The following PTPRD variants were observed in gnomAD, a reference collection of about 807,000 sequenced individuals.
The protein encoded by PTPRD is receptor-type tyrosine-protein phosphatase delta.
In PTPRD, 34 loss-of-function variants were observed where a neutral mutation model predicts 214.5. The observed-to-expected ratio is 0.16, with a 90% CI of 0.12 to 0.21. PTPRD has a LOEUF of 0.21. PTPRD is among the 10% of genes least tolerant of loss of function. The pLI, the probability that PTPRD is intolerant of heterozygous loss-of-function variation, is 1.00. For synonymous variants in PTPRD, 1,128 were observed against 845.7 expected (o/e 1.33, Z -5.79); for missense variants, 2,545 against 2,398.7 (o/e 1.06, Z -1.27).
chr9:8,838,042 A>C (rs2097474426), intron 11 of PTPRD, among the ~76,000 whole-genome samples: 2 of 152,184 alleles, frequency 1.3e-5, no homozygotes, highest in South Asian at 4.1e-4. Flanking sequence ...GTTCATGTCA[A>C]TGAATAAACA....
At chr9:8,454,693 T>G (rs1298414838) in intron 33 of PTPRD, 1 of 1,321,304 alleles carries the variant, frequency 7.6e-7, no homozygotes, top group Non-Finnish European at 1.1e-6. Flanking sequence ...TAAGAAATAG[T>G]GTTCACAAGC....
chr9:10,410,018 A>G (rs2098417461), intron 2 of PTPRD, among the ~76,000 whole-genome samples: 1 of 151,624 alleles, frequency 6.6e-6, no homozygotes, highest in African/African-American at 2.4e-5. Flanking sequence ...GTAATTAATA[A>G]ATATTTATTG....
intron 14 of PTPRD, among the ~76,000 whole-genome samples, chr9:8,541,992 G>A (rs541210981): frequency 1.6e-4 from 25 of 152,122 alleles, no homozygotes; most frequent in Admixed American, 5.2e-4. Context: ...TTACATGAAT[G>A]AAATCCCTTA....
chr9:8,651,181 C>T (rs184446189), intron 12 of PTPRD, among the ~76,000 whole-genome samples: 6 of 152,208 alleles, frequency 3.9e-5, no homozygotes, highest in Admixed American at 1.3e-4. Flanking sequence ...ATGAGAAAAG[C>T]GTTCTGCAGA....
At chr9:8,751,645 T>A (rs1255180851) in intron 11 of PTPRD, among the ~76,000 whole-genome samples, 1 of 152,194 alleles carries the variant, frequency 6.6e-6, no homozygotes, top group Non-Finnish European at 1.5e-5. Context: ...CCAAATTAGC[T>A]TTTCAGTCTT....
At chr9:10,014,959 T>C (rs1272916404) in intron 4 of PTPRD, among the ~76,000 whole-genome samples, 2 of 152,106 alleles carry the variant, frequency 1.3e-5, no homozygotes, top group African/African-American at 4.8e-5. Context: ...GTAATTAAAA[T>C]GTCTTCAATA....
chr9:10,107,196 A>G (rs2098642074), intron 3 of PTPRD, among the ~76,000 whole-genome samples: 1 of 152,060 alleles, frequency 6.6e-6, no homozygotes, highest in African/African-American at 2.4e-5. Context: ...GAAACGGTAA[A>G]TGAAATACCG....
chr9:10,130,387 T>C lies in PTPRD; in HGVS notation c.-544-96597A>G, dbSNP rs139995467. ...TTTTAGTACAAAGCCCACTTTGTCA[T>C]TGATCTTTCCCCATTAACCTATGTC... is the stretch of plus-strand genomic sequence containing the variant. On this transcript the variant is annotated intron_variant, in intron 3 of 45. Transcript: ENST00000381196. Among the ~76,000 whole-genome samples the C allele has an allele frequency of 2.0e-3, 302 of 152,262 alleles. 2 individuals carry two copies. The highest frequency in any genetic ancestry group is 3.2e-3 in the Non-Finnish European group (220 of 67,994).
intron 8 of PTPRD, among the ~76,000 whole-genome samples, chr9:9,425,479 G>T (rs933209072): frequency 2.1e-5 from 3 of 144,416 alleles, no homozygotes; most frequent in South Asian, 4.4e-4. Flanking sequence ...ATATATATAT[G>T]TTTGGTGCAA....
chr9:9,938,815 T>C (rs1404534125), intron 4 of PTPRD, among the ~76,000 whole-genome samples: 3 of 152,152 alleles, frequency 2.0e-5, no homozygotes, highest in African/African-American at 7.2e-5. Context: ...CCATCTATAT[T>C]TTATCTCCTA....
At chr9:9,122,729 T>C (rs2099818783) in intron 10 of PTPRD, among the ~76,000 whole-genome samples, 1 of 152,192 alleles carries the variant, frequency 6.6e-6, no homozygotes, top group African/African-American at 2.4e-5. Flanking sequence ...CTACGTTCTG[T>C]TTTACAGATA....
chr9:9,847,608 T>G (rs757367353), intron 5 of PTPRD, among the ~76,000 whole-genome samples: 3 of 152,098 alleles, frequency 2.0e-5, no homozygotes, highest in Non-Finnish European at 4.4e-5. Flanking sequence ...AAACAAACCT[T>G]ACTAGTTAGC....
At chr9:9,601,467 T>G (rs2093764815) in intron 7 of PTPRD, among the ~76,000 whole-genome samples, 1 of 152,052 alleles carries the variant, frequency 6.6e-6, no homozygotes. Flanking sequence ...AAACAATACA[T>G]GATTAGAGCC....
chr9:8,563,598 G>A (rs1463351617), intron 14 of PTPRD, among the ~76,000 whole-genome samples: 1 of 151,530 alleles, frequency 6.6e-6, no homozygotes, highest in Non-Finnish European at 1.5e-5. Context: ...CGCCACACCT[G>A]GCTAATTTTT....
chr9:10,544,846 G>A (rs1309171281), intron 2 of PTPRD, among the ~76,000 whole-genome samples: 1 of 151,952 alleles, frequency 6.6e-6, no homozygotes, highest in Non-Finnish European at 1.5e-5. Context: ...AATAATTTTG[G>A]ACATTACTAC....
intron 2 of PTPRD, among the ~76,000 whole-genome samples, chr9:10,374,824 T>C (rs2097696571): frequency 6.6e-6 from 1 of 152,058 alleles, no homozygotes. Flanking sequence ...ATATGACTAC[T>C]TGAAAACAGT....
chr9:10,107,100 G>C (rs1365364005), intron 3 of PTPRD, among the ~76,000 whole-genome samples: 3 of 151,690 alleles, frequency 2.0e-5, no homozygotes, highest in Non-Finnish European at 1.5e-5. Context: ...AGGGGAATAT[G>C]TGGGTTTCAT....
rs191573184 is a variant in PTPRD at position 8,907,774 on chromosome 9, A to G, written c.-104+110923T>C. Among the ~76,000 whole-genome samples the G allele has an allele frequency of 2.8e-4, 42 of 152,136 alleles. 1 individual carries two copies. The East Asian group carries it at 8.1e-3, about 29-fold the overall frequency. On this transcript the variant is annotated intron_variant, in intron 11 of 45. Transcript: ENST00000381196. ...ATTCAATCTTAAGAGCAGAGAATAA[A>G]AGATTGAAGAGAAATGAGTATAGCT...
chr9:9,224,814 G>C (rs1198219254), intron 9 of PTPRD, among the ~76,000 whole-genome samples: 1 of 151,872 alleles, frequency 6.6e-6, no homozygotes, highest in Admixed American at 6.6e-5. Context: ...TATGTCTTAA[G>C]CTAAGAGTTA....
Sources: allele counts gnomAD v4.1 joint callset (sites outside exome capture counted in the v4.1 genomes callset), GRCh38; gene constraint gnomAD v4.1.1; transcripts MANE v1.5; gene names NCBI Gene and HGNC (gene_info 2026-07-23, HGNC 2026-07-21).